SNX13: variants seen among roughly 807,000 people sequenced by gnomAD.
The protein encoded by SNX13 is sorting nexin-13.
A neutral mutation model predicts 133.6 loss-of-function variants in SNX13; 45 were observed. That is an observed-to-expected ratio of 0.34 (90% CI 0.27 to 0.43). The LOEUF is 0.43. Among genes scored for constraint, SNX13 ranks in the 20% least tolerant of loss-of-function variants. The pLI is 1.00. For missense variants in SNX13, 1,032 were observed against 1,145.1 expected, an observed-to-expected ratio of 0.90 and a Z score of 1.43; for synonymous variants, 414 against 373.9, an observed-to-expected ratio of 1.11 and a Z score of -1.24.
chr7:17,900,708 T>C (rs539337530), intron 1 of SNX13, among the ~76,000 whole-genome samples: 2 of 151,672 alleles, frequency 1.3e-5, no homozygotes, highest in African/African-American at 4.8e-5. Flanking sequence ...TTCAGGGCAA[T>C]GGGCTCCCCT....
chr7:17,888,129 A>C (rs1330055740), intron 5 of SNX13: 1 of 152,198 alleles, frequency 6.6e-6, no homozygotes, highest in African/African-American at 2.4e-5. Flanking sequence ...TCATTAACAG[A>C]GAAGGAACAA....
At chr7:17,796,510 G>A (rs867014759) in intron 25 of SNX13, 1 of 218,030 alleles carries the variant, frequency 4.6e-6, no homozygotes, top group Middle Eastern at 1.7e-3. Flanking sequence ...AAAAGCATAA[G>A]CTTTCACATC....
In SNX13 at chr7:17,799,140, A is replaced by G. The variant is rs1382815034; in HGVS notation, c.2313T>C (p.Ile771=). 7.5e-6 allele frequency: 12 copies of G among 1,605,670 alleles called. No homozygotes were observed. Among genetic ancestry groups the G allele is most frequent in the Non-Finnish European group, 1.0e-5 (12 of 1,176,128 alleles). Residue 771 remains isoleucine, a synonymous_variant, in exon 23 of 26, where the codon ATT becomes ATC. Coordinates refer to ENST00000428135, the MANE Select transcript of SNX13 (RefSeq NM_015132.5). ...AQLDDNVDDN[I]PLRVMLLLMD... ...TGAGAAGCAGCATTACCCTAAGTGG[A>G]ATATTGTCATCCACCTGACAAAATA...
chr7:17,806,684 C>G (rs1030528490), intron 20 of SNX13, among the ~76,000 whole-genome samples: 2 of 151,632 alleles, frequency 1.3e-5, no homozygotes, highest in South Asian at 4.2e-4. Flanking sequence ...CAAATAGGAA[C>G]AGTTCCGGTC....
intron 11 of SNX13, among the ~76,000 whole-genome samples, chr7:17,849,302 C>T (rs1790925070): frequency 6.6e-6 from 1 of 152,238 alleles, no homozygotes; most frequent in East Asian, 1.9e-4. Context: ...TTCTTTCTCA[C>T]CCCATATTCA....
chr7:17,879,740 A>C (rs1031819730), intron 5 of SNX13: 3 of 152,234 alleles, frequency 2.0e-5, no homozygotes, highest in African/African-American at 7.2e-5. Flanking sequence ...TACCAAAATC[A>C]AGTATTTCTG....
At chr7:17,886,997 CA>C (rs898687764) in intron 5 of SNX13, among the ~76,000 whole-genome samples, 11 of 149,236 alleles carry the variant, frequency 7.4e-5, no homozygotes, top group African/African-American at 2.7e-4. Flanking sequence ...AGAGCTAAGA[CA>C]GGGTCAAAGA....
At chr7:17,898,762 T>G (rs1400202042) in intron 1 of SNX13, 2 of 152,212 alleles carry the variant, frequency 1.3e-5, no homozygotes, top group Non-Finnish European at 2.9e-5. Context: ...GGATAAGATT[T>G]ATTTAGGGAG....
chr7:17,798,853 G>T, intron 23 of SNX13, 95 bp from the exon 24 acceptor site: 1 of 1,219,226 alleles, frequency 8.2e-7, no homozygotes, highest in Non-Finnish European at 1.2e-6. Flanking sequence ...TAATCTGGAT[G>T]TAAATTATCC....
chr7:17,820,460 T>C (rs1787165680), intron 18 of SNX13, among the ~76,000 whole-genome samples: 1 of 152,264 alleles, frequency 6.6e-6, no homozygotes, highest in African/African-American at 2.4e-5. Context: ...GAAGAAAGGT[T>C]ATATTTGACA....
At chr7:17,887,313 G>A (rs573569237) in intron 5 of SNX13, among the ~76,000 whole-genome samples, 1 of 152,146 alleles carries the variant, frequency 6.6e-6, no homozygotes, top group African/African-American at 2.4e-5. Flanking sequence ...ACAGGCCAAG[G>A]CTGTCTGCAT....
At chr7:17,827,274 G>A (rs764540372) in intron 16 of SNX13, among the ~76,000 whole-genome samples, 38 of 151,890 alleles carry the variant, frequency 2.5e-4, no homozygotes, top group Non-Finnish European at 5.2e-4. Flanking sequence ...TGGGGACACC[G>A]AACATATATA....
At chr7:17,830,160 G>GT in intron 15 of SNX13, 113 bp from the exon 16 acceptor site, 3 of 147,588 alleles carry the variant, frequency 2.0e-5, no homozygotes, top group East Asian at 7.8e-4. Context: ...TAACATAATA[G>GT]TAAAAAAAAA....
chr7:17,808,375 T>G (rs1343866491), intron 20 of SNX13, among the ~76,000 whole-genome samples: 1 of 152,002 alleles, frequency 6.6e-6, no homozygotes, highest in African/African-American at 2.4e-5. Flanking sequence ...ATCAACTTAA[T>G]GAAATAAAGT....
intron 20 of SNX13, among the ~76,000 whole-genome samples, chr7:17,804,070 A>G (rs1324850447): frequency 6.6e-6 from 1 of 152,082 alleles, no homozygotes; most frequent in Non-Finnish European, 1.5e-5. Context: ...GTCACAAAAA[A>G]CAAAAGTATT....
Position 17,791,254 on chromosome 7 carries a change from A to C in SNX13, c.*2791T>G, listed in dbSNP as rs1437676091. 6.6e-6 allele frequency: 1 copy of C among 151,990 alleles called. No homozygotes were observed. Among genetic ancestry groups the C allele is most frequent in the Admixed American group, 6.6e-5 (1 of 15,234 alleles). 9.4% of individuals were successfully genotyped at this position (151,990 alleles called of 1,614,324 possible). On this transcript the variant is annotated 3_prime_UTR_variant, in exon 26 of 26. Transcript: ENST00000428135. Reference sequence around the variant, plus strand: ...ATTAAAATTTTAGATTGTGAAATTTATATCATTCTTAATTTTTATAAAAAT... The same window carrying C: ...ATTAAAATTTTAGATTGTGAAATTTCTATCATTCTTAATTTTTATAAAAAT...
At chr7:17,874,068 G>T (rs1324665507) in intron 7 of SNX13, among the ~76,000 whole-genome samples, 4 of 152,144 alleles carry the variant, frequency 2.6e-5, no homozygotes, top group Non-Finnish European at 5.9e-5. Flanking sequence ...CTATTCTGCT[G>T]ATTTAAGAGA....
chr7:17,800,642 A>G (rs1784513740), intron 22 of SNX13, among the ~76,000 whole-genome samples: 1 of 151,840 alleles, frequency 6.6e-6, no homozygotes, highest in African/African-American at 2.4e-5. Context: ...AAGACAATGT[A>G]TTACATATAT....
At position 17,825,257 on chromosome 7, in the gene SNX13, AACTAGACTAG is replaced by A. The variant is rs3056689; in HGVS notation, c.1705+755_1705+764del. 0.01 allele frequency among the ~76,000 whole-genome samples: 1,467 copies of A among 146,512 alleles called. 43 individuals are homozygous for A. The East Asian group carries it at 0.11, about 11-fold the overall frequency. ...AGTTAATGTCTTCTAAACTAGATTAAACTAGACTAGACTAGACTAGACTAGACTAGACTAG... is the reference window on the plus strand; with the variant it reads ...AGTTAATGTCTTCTAAACTAGATTAAACTAGACTAGACTAGACTAGACTAG... On this transcript the variant is annotated intron_variant, in intron 17 of 25. Coordinates refer to ENST00000428135, the MANE Select transcript of SNX13 (RefSeq NM_015132.5).
Sources: allele counts gnomAD v4.1 joint callset (sites outside exome capture counted in the v4.1 genomes callset), GRCh38; gene constraint gnomAD v4.1.1; transcripts MANE v1.5; gene names NCBI Gene and HGNC (gene_info 2026-07-23, HGNC 2026-07-21).